Variants in ATG4C observed in about 807,000 individuals in gnomAD.
ATG4C encodes autophagy related 4C cysteine peptidase.
A neutral mutation model predicts 57.6 loss-of-function variants in ATG4C; 56 were observed. The observed-to-expected ratio is 0.97, with a 90% CI of 0.78 to 1.21. The LOEUF (loss-of-function observed/expected upper bound fraction) is 1.21, where lower values mean the gene tolerates loss of function less well. ATG4C is among the 50% of genes most tolerant of loss of function. The pLI is 0.00. For missense variants in ATG4C, 595 were observed against 529.8 expected, an observed-to-expected ratio of 1.12 and a Z score of -1.21; for synonymous variants, 157 against 174.1, an observed-to-expected ratio of 0.90 and a Z score of 0.78.
chr1:62,791,097 G>A (rs966009480), intron 1 of ATG4C, among the ~76,000 whole-genome samples: 6 of 152,166 alleles, frequency 3.9e-5, no homozygotes, highest in African/African-American at 1.4e-4. Context: ...TCATTGGAAA[G>A]GGGGAAAATA....
chr1:62,817,831 ATT>A (rs1165132035), intron 4 of ATG4C, among the ~76,000 whole-genome samples: 5 of 152,226 alleles, frequency 3.3e-5, no homozygotes, highest in African/African-American at 1.2e-4. Context: ...ATTATTAAAT[ATT>A]GTCAGATTTT....
Position 62,805,148 on chromosome 1 carries a change from TTTTC to T in ATG4C, c.77-20_77-17del. The T allele has an allele frequency of 6.6e-7, 1 of 1,517,358 alleles. No homozygotes were observed. The highest frequency in any genetic ancestry group is 1.3e-5 in the South Asian group (1 of 74,994). 94.0% of individuals were successfully genotyped at this position (1,517,358 alleles called of 1,614,324 possible). A position where few individuals can be genotyped will look rare whatever the true frequency, so the allele number is the denominator to read the frequency against. ...AATCTTTTAATTACAAAACGTTTTC[TTTTC>T]TTTTTTTTTTTTTTGCTAGGTTGGG... On this transcript the variant is annotated intron_variant, in intron 2 of 10. Transcript: ENST00000317868.
At chr1:62,814,826 A>T (rs1467909518) in intron 3 of ATG4C, among the ~76,000 whole-genome samples, 1 of 152,188 alleles carries the variant, frequency 6.6e-6, no homozygotes, top group African/African-American at 2.4e-5. Flanking sequence ...ACACTTTGGG[A>T]GTCCAAGGCA....
chr1:62,803,092 CAG>C (rs1238472715), intron 1 of ATG4C, among the ~76,000 whole-genome samples: 4 of 152,148 alleles, frequency 2.6e-5, no homozygotes, highest in Non-Finnish European at 4.4e-5. Flanking sequence ...AGTAATAAAA[CAG>C]ACACTTATGA....
At chr1:62,834,460 C>T (rs1457414548) in intron 8 of ATG4C, among the ~76,000 whole-genome samples, 1 of 152,010 alleles carries the variant, frequency 6.6e-6, no homozygotes, top group East Asian at 1.9e-4. Flanking sequence ...ATATGTTCTT[C>T]CTGTCAAGAT....
chr1:62,856,458 A>G (rs920704484), intron 10 of ATG4C, among the ~76,000 whole-genome samples: 1 of 152,224 alleles, frequency 6.6e-6, no homozygotes, highest in Non-Finnish European at 1.5e-5. Flanking sequence ...ATGCCAGGCA[A>G]TCCTCTAAGT....
At chr1:62,821,780 A>G (rs902833724) in intron 6 of ATG4C, among the ~76,000 whole-genome samples, 2 of 152,094 alleles carry the variant, frequency 1.3e-5, no homozygotes, top group Non-Finnish European at 2.9e-5. Context: ...ATGTAATGAG[A>G]TATCTTGGGG....
Position 62,864,896 on chromosome 1 carries a change from C to G in ATG4C, c.*737C>G, listed in dbSNP as rs575559511. On this transcript the variant is annotated 3_prime_UTR_variant, in exon 11 of 11. Transcript: ENST00000317868. ...TAGTGTTTGTTTCCTATCTCAAGGG[C>G]GAAATTTTATGGGAACTCAATTTAT... The G allele has an allele frequency of 6.6e-6, 1 of 151,718 alleles. No homozygotes were observed. Among genetic ancestry groups the G allele is most frequent in the South Asian group, 2.1e-4 (1 of 4,822 alleles). 9.4% of individuals were successfully genotyped at this position (151,718 alleles called of 1,614,324 possible). A position where few individuals can be genotyped will look rare whatever the true frequency, so the allele number is the denominator to read the frequency against.
chr1:62,862,534 T>G (rs1468146847), intron 10 of ATG4C, among the ~76,000 whole-genome samples: 1 of 152,122 alleles, frequency 6.6e-6, no homozygotes, highest in Non-Finnish European at 1.5e-5. Flanking sequence ...GCCAATACTC[T>G]CTGCCTCTTA....
rs1017266436 is a variant in ATG4C, at chr1:62,816,674, T to C, written c.260T>C (p.Ile87Thr). ...EEFRKDFISR[I>T]WLTYREEFPQ... Reference sequence around the variant, plus strand: ...TTTCGTAAAGATTTCATTTCTAGAATATGGCTGACCTACAGGGAAGAATTC... The same window carrying C: ...TTTCGTAAAGATTTCATTTCTAGAACATGGCTGACCTACAGGGAAGAATTC... The change falls in exon 4 of 11, where the codon ATA (isoleucine) becomes ACA (threonine). Residue 87 changes from isoleucine to threonine, a missense_variant. Ile to Thr is a moderately conservative substitution (Grantham distance 89). Transcript: ENST00000317868. 2 of 1,613,764 alleles carry C rather than the reference T, an allele frequency of 1.2e-6. No individual in the cohort carries two copies. Among genetic ancestry groups the C allele is most frequent in the African/African-American group, 1.3e-5 (1 of 74,914 alleles).
At chr1:62,825,230 C>T (rs1411223241) in intron 6 of ATG4C, among the ~76,000 whole-genome samples, 6 of 101,396 alleles carry the variant, frequency 5.9e-5, no homozygotes, top group East Asian at 3.3e-4. Context: ...AGGGAGACTC[C>T]GTCTAAAAAA....
intron 4 of ATG4C, among the ~76,000 whole-genome samples, chr1:62,817,229 A>G (rs1361084935): frequency 6.6e-6 from 1 of 152,124 alleles, no homozygotes; most frequent in African/African-American, 2.4e-5. Context: ...ATTTTAAGAG[A>G]CTTTACTCTG....
At chr1:62,847,696 G>T (rs1365788845) in intron 10 of ATG4C, among the ~76,000 whole-genome samples, 1 of 152,160 alleles carries the variant, frequency 6.6e-6, no homozygotes. Context: ...TGAATTAGGA[G>T]TAGGTAAAGT....
intron 3 of ATG4C, among the ~76,000 whole-genome samples, chr1:62,806,746 A>G (rs1664894060): frequency 6.6e-6 from 1 of 152,184 alleles, no homozygotes; most frequent in African/African-American, 2.4e-5. Flanking sequence ...CCTGATCTTC[A>G]GTAAAGTCAG....
chr1:62,820,319 A>G (rs529941281), intron 5 of ATG4C, among the ~76,000 whole-genome samples: 2 of 152,124 alleles, frequency 1.3e-5, no homozygotes, highest in East Asian at 3.9e-4. Flanking sequence ...GTTTCTGTTG[A>G]CCGTCTTTCC....
chr1:62,833,128 GT>G (rs1665893729), intron 7 of ATG4C, among the ~76,000 whole-genome samples: 1 of 152,044 alleles, frequency 6.6e-6, no homozygotes, highest in African/African-American at 2.4e-5. Context: ...GAAAAAGAAC[GT>G]TTGTCCATAT....
intron 7 of ATG4C, among the ~76,000 whole-genome samples, chr1:62,832,185 C>CTTTTTTATTTTTTT (rs1665863230): frequency 1.1e-5 from 1 of 92,418 alleles, no homozygotes; most frequent in Admixed American, 1.3e-4. Flanking sequence ...ACCTGATATG[C>CTTTTTTATTTTTTT]TTTCTCTGTT....
chr1:62,793,566 CA>C lies in ATG4C; in HGVS notation c.-69+9294del, dbSNP rs535255305. ...GATCAAGGCATTTGGCACTGCACTC[CA>C]GCCTGGGCAACAGAGTAAGACCTTG... is the stretch of plus-strand genomic sequence containing the variant. On this transcript the variant is annotated intron_variant, in intron 1 of 10. Coordinates refer to ENST00000317868, the MANE Select transcript of ATG4C (RefSeq NM_032852.4). Among the ~76,000 whole-genome samples the C allele has an allele frequency of 2.4e-3, 297 of 125,176 alleles. 2 individuals carry two copies. Among genetic ancestry groups the C allele is most frequent in the African/African-American group, 8.8e-3 (291 of 33,054 alleles). The allele number at this position is 125,176 out of a possible 152,430, so 82.1% of individuals were successfully genotyped here. A position where few individuals can be genotyped will look rare whatever the true frequency, so the allele number is the denominator to read the frequency against.
intron 1 of ATG4C, chr1:62,785,212 G>GA (rs1664044978): frequency 6.6e-6 from 1 of 152,198 alleles, no homozygotes; most frequent in Non-Finnish European, 1.5e-5. Flanking sequence ...CTTGTAATTA[G>GA]ATTATGAGCC....
Sources: allele counts gnomAD v4.1 joint callset (sites outside exome capture counted in the v4.1 genomes callset), GRCh38; gene constraint gnomAD v4.1.1; transcripts MANE v1.5; gene names NCBI Gene and HGNC (gene_info 2026-07-23, HGNC 2026-07-21).